ZNF205: variants seen among roughly 807,000 people sequenced by gnomAD.
The protein encoded by ZNF205 is zinc finger protein 205.
ZNF205 carries 32 observed loss-of-function variants against 53.6 expected under a neutral mutation model. That is an observed-to-expected ratio of 0.60 (90% CI 0.45 to 0.80). The LOEUF (loss-of-function observed/expected upper bound fraction) is 0.80. ZNF205 is among the 30% of genes least tolerant of loss of function. The probability of loss-of-function intolerance (pLI) is 0.00; values close to 1 mark genes in which losing one functional copy is unlikely to be tolerated. For missense variants in ZNF205, 836 were observed against 782.4 expected, an observed-to-expected ratio of 1.07 and a Z score of -0.82; for synonymous variants, 382 against 334.3, an observed-to-expected ratio of 1.14 and a Z score of -1.56.
rs544365707 is a variant in ZNF205 at position 3,116,566 on chromosome 16, G to A, written c.484+19G>A. On this transcript the variant is annotated intron_variant, in intron 5 of 6. Transcript: ENST00000219091. The stretch of plus-strand genomic sequence containing the variant: ...TCACTGGGTAAGCACTCGCCTGGAG[G>A]GGGGACTGGGGTGTTAGGGAGAGGT... 7 of 1,610,672 alleles carry A rather than the reference G, an allele frequency of 4.3e-6. No homozygotes were observed. Among genetic ancestry groups the A allele is most frequent in the East Asian group, 2.2e-5 (1 of 44,790 alleles).
In ZNF205 at chr16:3,119,783, C is replaced by T. The variant is rs768959001; in HGVS notation, c.1123C>T (p.His375Tyr). ...CCCCGCCTGCCGGAAGAGCTTCAGC[C>T]ACCACTCCACGCTGATTCAGCACCA... ...TCPACRKSFSHHSTLIQHQRI... is the reference protein window; with the variant it reads ...TCPACRKSFSYHSTLIQHQRI... The change falls in exon 7 of 7, where the codon CAC (histidine) becomes TAC (tyrosine). Residue 375 changes from histidine to tyrosine, a missense_variant. Transcript: ENST00000219091. 1.6e-5 allele frequency: 26 copies of T among 1,613,828 alleles called. No homozygotes were observed. Among genetic ancestry groups the T allele is most frequent in the Non-Finnish European group, 2.1e-5 (25 of 1,179,918 alleles).
At chr16:3,116,130 G>C (rs1314769621) in intron 4 of ZNF205, 2 of 681,342 alleles carry the variant, frequency 2.9e-6, no homozygotes, top group East Asian at 5.6e-5. Context: ...AGAGACACAG[G>C]GCCTCTCGCT....
chr16:3,119,138 G>C, intron 6 of ZNF205, 118 bp from the exon 7 acceptor site: 1 of 1,502,112 alleles, frequency 6.7e-7, no homozygotes, highest in Non-Finnish European at 8.9e-7. Context: ...CGCCCAGGGC[G>C]GCCCTTGCGC....
In ZNF205 at chr16:3,119,747, C is replaced by T; in HGVS notation, c.1087C>T (p.Pro363Ser). The T allele has an allele frequency of 6.2e-7, 1 of 1,613,760 alleles. No individual in the cohort carries two copies. The highest frequency in any genetic ancestry group is 1.3e-5 in the African/African-American group (1 of 75,002). The part of the protein sequence containing the change: ...QHQIIHTGEK[P>S]YTCPACRKSF... The stretch of plus-strand genomic sequence containing the variant: ...CCAGATCATCCACACGGGCGAGAAG[C>T]CCTACACCTGCCCCGCCTGCCGGAA... Residue 363 changes from proline (P) to serine (S), a missense_variant, in exon 7 of 7, where the codon CCC becomes TCC. By Grantham distance (74) the Pro-to-Ser change is moderately conservative. Transcript: ENST00000219091.
chr16:3,119,809 G>C lies in ZNF205; in HGVS notation c.1149G>C (p.Gln383His), dbSNP rs751028765. 5 of 1,613,840 alleles carry C rather than the reference G, an allele frequency of 3.1e-6. No homozygotes were observed. Among genetic ancestry groups the C allele is most frequent in the Non-Finnish European group, 2.5e-6 (3 of 1,179,906 alleles). The change falls in exon 7 of 7, where the codon CAG (glutamine) becomes CAC (histidine). Residue 383 changes from glutamine to histidine, a missense_variant. Transcript: ENST00000219091. ...FSHHSTLIQH[Q>H]RIHTGEKPYV... is the part of the protein sequence containing the mutation. ...ACCACTCCACGCTGATTCAGCACCA[G>C]CGCATCCACACCGGAGAGAAGCCCT...
At position 3,119,683 on chromosome 16, in the gene ZNF205, C is replaced by T. The variant is rs566062908; in HGVS notation, c.1023C>T (p.Cys341=). Residue 341 remains cysteine, a synonymous_variant, in exon 7 of 7, where the codon TGC becomes TGT. Transcript: ENST00000219091. ...AGAAGCCCTACGCCTGCACTGACTG[C>T]GGGAAGCGCTTCGGCCGCAGCTCGC... The part of the protein sequence containing the change: ...TGEKPYACTD[C]GKRFGRSSHL... The T allele has an allele frequency of 3.1e-6, 5 of 1,613,362 alleles. No individual in the cohort carries two copies. In the East Asian group the frequency reaches 1.1e-4, roughly 36 times the overall value.
At chr16:3,114,401 T>C (rs540560234) in intron 2 of ZNF205, among the ~76,000 whole-genome samples, 1 of 152,284 alleles carries the variant, frequency 6.6e-6, no homozygotes, top group South Asian at 2.1e-4. Context: ...GCTGCCTGAT[T>C]GGGGAGGGGT....
chr16:3,120,268 G>A lies in ZNF205; in HGVS notation c.1608G>A (p.Leu536=), dbSNP rs534980591. ...HTTGPKALAM[L]MLGAAAAGAL... ...CCGGGCCCAAGGCCCTGGCCATGCT[G>A]ATGCTGGGGGCGGCGGCGGCGGGGG... is the stretch of plus-strand genomic sequence containing the variant. Residue 536 remains leucine (L), a synonymous_variant, in exon 7 of 7, where the codon CTG becomes CTA. Coordinates refer to ENST00000219091, the MANE Select transcript of ZNF205 (RefSeq NM_001042428.2). 6.3e-4 allele frequency: 1,009 copies of A among 1,602,074 alleles called. No individual in the cohort carries two copies. The highest frequency in any genetic ancestry group is 8.0e-4 in the Admixed American group (48 of 59,816).
Position 3,120,293 on chromosome 16 carries a change from G to T in ZNF205, c.1633G>T (p.Ala545Ser), listed in dbSNP as rs1375051688. 1 of 1,584,760 alleles carries T rather than the reference G, an allele frequency of 6.3e-7. No individual in the cohort carries two copies. ...MLMLGAAAAG[A>S]LATPPPAPT is the part of the protein sequence containing the mutation. ...GATGCTGGGGGCGGCGGCGGCGGGG[G>T]CTCTGGCCACACCCCCACCCGCTCC... is the stretch of plus-strand genomic sequence containing the variant. The change falls in exon 7 of 7, where the codon GCT (alanine) becomes TCT (serine). Residue 545 changes from alanine to serine, a missense_variant. Ala to Ser is a moderately conservative substitution (Grantham distance 99). Coordinates refer to ENST00000219091, the MANE Select transcript of ZNF205 (RefSeq NM_001042428.2).
rs1293573184 is a variant in ZNF205 at position 3,118,991 on chromosome 16, A to G, written c.571A>G (p.Lys191Glu). 1 of 1,613,344 alleles carries G rather than the reference A, an allele frequency of 6.2e-7. No homozygotes were observed. Residue 191 changes from lysine to glutamate, a missense_variant, in exon 6 of 7, where the codon AAG becomes GAG. Physicochemically the swap from Lys to Glu is moderately conservative, Grantham distance 56. Transcript: ENST00000219091. ...SGSSRQAGDE[K>E]EWRGACTGAV... ...CTCCAGCCGGCAGGCAGGAGATGAGAAGGAGTGGAGAGGCGCGTGCACAGG... is the reference window on the plus strand; with the variant it reads ...CTCCAGCCGGCAGGCAGGAGATGAGGAGGAGTGGAGAGGCGCGTGCACAGG...
In ZNF205 at chr16:3,113,427, GA is replaced by G; in HGVS notation, c.1del. ...AGCTGTTCTTTCTAGCTCTGAAATA[GA>G]AAATGTCTGCAGACGGCGGAGGCAT... On this transcript the variant is annotated 5_prime_UTR_variant, in exon 2 of 7. Coordinates refer to ENST00000219091, the MANE Select transcript of ZNF205 (RefSeq NM_001042428.2). 1 of 1,613,382 alleles carries G rather than the reference GA, an allele frequency of 6.2e-7. No individual in the cohort carries two copies. The highest frequency in any genetic ancestry group is 8.5e-7 in the Non-Finnish European group (1 of 1,179,698).
In ZNF205 at chr16:3,119,973, A is replaced by G. The variant is rs773625390; in HGVS notation, c.1313A>G (p.His438Arg). Residue 438 changes from histidine (H) to arginine (R), a missense_variant, in exon 7 of 7, where the codon CAC becomes CGC. By Grantham distance (29) the His-to-Arg change is conservative (BLOSUM62 0). Coordinates refer to ENST00000219091, the MANE Select transcript of ZNF205 (RefSeq NM_001042428.2). ...ACGCAGAGCTCGGCGCTAGTCACCC[A>G]CCAGCGCACCCACACTGGGGTCAAG... is the stretch of plus-strand genomic sequence containing the variant. ...CFTQSSALVTHQRTHTGVKPY... is the reference protein window; with the variant it reads ...CFTQSSALVTRQRTHTGVKPY... 6.2e-7 allele frequency: 1 copy of G among 1,613,524 alleles called. No individual in the cohort carries two copies. The highest frequency in any genetic ancestry group is 1.1e-5 in the South Asian group (1 of 91,080).
At chr16:3,117,714 A>G (rs2151230347) in intron 5 of ZNF205, among the ~76,000 whole-genome samples, 1 of 151,848 alleles carries the variant, frequency 6.6e-6, no homozygotes, top group Middle Eastern at 3.4e-3. Flanking sequence ...TTGCCTCCCA[A>G]AGTGTTGGGA....
In ZNF205 at chr16:3,119,562, G is replaced by A; in HGVS notation, c.902G>A (p.Ser301Asn). 2 of 1,608,490 alleles carry A rather than the reference G, an allele frequency of 1.2e-6. No homozygotes were observed. The highest frequency in any genetic ancestry group is 1.7e-6 in the Non-Finnish European group (2 of 1,177,870). ...ESGEEGLAPD[S>N]EVGRKSYRCE... ...GGCGAGGAGGGCCTGGCCCCTGACAGTGAGGTGGGCAGGAAGAGCTACCGG... is the reference window on the plus strand; with the variant it reads ...GGCGAGGAGGGCCTGGCCCCTGACAATGAGGTGGGCAGGAAGAGCTACCGG... Residue 301 changes from serine (S) to asparagine (N), a missense_variant, in exon 7 of 7, where the codon AGT (serine) becomes AAT (asparagine). Coordinates refer to ENST00000219091, the MANE Select transcript of ZNF205 (RefSeq NM_001042428.2).
chr16:3,119,215 G>T, intron 6 of ZNF205, 41 bp from the exon 7 acceptor site: 1 of 1,543,072 alleles, frequency 6.5e-7, no homozygotes, highest in South Asian at 1.3e-5. Flanking sequence ...GGGGTCCTTA[G>T]GGAAGCTCGT....
intron 2 of ZNF205, among the ~76,000 whole-genome samples, chr16:3,113,790 C>T (rs918597517): frequency 1.3e-5 from 2 of 152,178 alleles, no homozygotes; most frequent in African/African-American, 2.4e-5. Context: ...TCTCCTTCCC[C>T]GTGCTTCTCC....
chr16:3,116,258 C>T, intron 4 of ZNF205, 169 bp from the exon 5 acceptor site: 1 of 922,346 alleles, frequency 1.1e-6, no homozygotes, highest in African/African-American at 1.7e-5. Flanking sequence ...TTCTCAACTC[C>T]CCAGAAGGCC....
At chr16:3,119,099 G>C (rs964937213) in intron 6 of ZNF205, 84 bp downstream of exon 6, 1 of 1,543,812 alleles carries the variant, frequency 6.5e-7, no homozygotes, top group East Asian at 2.3e-5. Context: ...AGTGGGGCAG[G>C]GCCACCAGAC....
chr16:3,118,224 T>C (rs993138526), intron 5 of ZNF205, among the ~76,000 whole-genome samples: 20 of 151,888 alleles, frequency 1.3e-4, no homozygotes, highest in African/African-American at 4.6e-4. Context: ...GGTGGCATCA[T>C]GGTGGTCCCA....
Sources: gnomAD v4.1 joint callset for allele counts (sites outside exome capture counted in the v4.1 genomes callset) on GRCh38, gnomAD v4.1.1 for gene constraint, MANE v1.5 for transcripts, NCBI Gene and HGNC (gene_info 2026-07-23, HGNC 2026-07-21) for gene names.